MAPK8IP1: variants seen among roughly 807,000 people sequenced by gnomAD.
The protein encoded by MAPK8IP1 is C-Jun-amino-terminal kinase-interacting protein 1.
Under a neutral mutation model 72.6 loss-of-function variants are expected in MAPK8IP1, and 17 were observed. That is an observed-to-expected ratio of 0.23 (90% CI 0.16 to 0.35). MAPK8IP1 has a LOEUF of 0.35. Among genes scored for constraint, MAPK8IP1 ranks in the 10% least tolerant of loss-of-function variants. MAPK8IP1 has a pLI of 1.00. For missense variants in MAPK8IP1, 789 were observed against 1,009.7 expected (o/e 0.78, Z 2.96); for synonymous variants, 401 against 443.4 (o/e 0.90, Z 1.20).
At position 45,904,266 on chromosome 11, in the gene MAPK8IP1, C is replaced by A; in HGVS notation, c.1666+105C>A. On this transcript the variant is annotated intron_variant, in intron 7 of 11. Coordinates refer to ENST00000241014, the MANE Select transcript of MAPK8IP1 (RefSeq NM_005456.4). The surrounding 1 kb of genome is among the most constrained non-coding windows in gnomAD (Gnocchi z 6.4). ...AGATCTCAGCCAGCCAGGTGGGGGG[C>A]TGAGTGGAAGTGATTTTAGGTCCTT... 7.4e-7 allele frequency: 1 copy of A among 1,359,818 alleles called. No individual in the cohort carries two copies. The highest frequency in any genetic ancestry group is 1.0e-6 in the Non-Finnish European group (1 of 972,174). The allele number at this position is 1,359,818 out of a possible 1,614,324, so 84.2% of individuals were successfully genotyped here. A position where few individuals can be genotyped will look rare whatever the true frequency, so the allele number is the denominator to read the frequency against.
In MAPK8IP1 at chr11:45,904,229, A is replaced by G. The variant is rs1360601662; in HGVS notation, c.1666+68A>G. Reference sequence around the variant, plus strand: ...GTCTGCCCCAACTTGCTGCTAGGTGAACGTGTACTCCAGATCTCAGCCAGC... The same window carrying G: ...GTCTGCCCCAACTTGCTGCTAGGTGGACGTGTACTCCAGATCTCAGCCAGC... On this transcript the variant is annotated intron_variant, in intron 7 of 11. Transcript: ENST00000241014. This position sits in a 1 kb window ranked among gnomAD's most constrained non-coding sequence, Gnocchi z 6.4. 4.5e-5 allele frequency: 69 copies of G among 1,528,008 alleles called. No individual in the cohort carries two copies. The highest frequency in any genetic ancestry group is 5.9e-5 in the Non-Finnish European group (66 of 1,115,678). 94.7% of individuals were successfully genotyped at this position (1,528,008 alleles called of 1,614,324 possible). A position where few individuals can be genotyped will look rare whatever the true frequency, so the allele number is the denominator to read the frequency against.
Position 45,900,543 on chromosome 11 carries a change from G to A in MAPK8IP1, c.522+91G>A, listed in dbSNP as rs2086644375. 4 of 1,428,696 alleles carry A rather than the reference G, an allele frequency of 2.8e-6. No individual in the cohort carries two copies. The African/African-American group carries it at 4.4e-5, about 16-fold the overall frequency. The allele number at this position is 1,428,696 out of a possible 1,614,324, so 88.5% of individuals were successfully genotyped here. A position where few individuals can be genotyped will look rare whatever the true frequency, so the allele number is the denominator to read the frequency against. On this transcript the variant is annotated intron_variant, in intron 3 of 11. Transcript: ENST00000241014. The surrounding 1 kb of genome is among the most constrained non-coding windows in gnomAD (Gnocchi z 6.5). ...GGCTGCAGCGGGAAGGGGCACCCAC[G>A]GGTCCAGTGCCTGGGGACAGCGCCT...
chr11:45,900,469 G>C lies in MAPK8IP1; in HGVS notation c.522+17G>C. On this transcript the variant is annotated intron_variant, in intron 3 of 11. Coordinates refer to ENST00000241014, the MANE Select transcript of MAPK8IP1 (RefSeq NM_005456.4). The surrounding 1 kb of genome is among the most constrained non-coding windows in gnomAD (Gnocchi z 6.5). Reference sequence around the variant, plus strand: ...CGGTCTCAGGTGAGGCGCCAACGTGGGGGGCGGCGCCCTGGGCCGCCGCGG... The same window carrying C: ...CGGTCTCAGGTGAGGCGCCAACGTGCGGGGCGGCGCCCTGGGCCGCCGCGG... The C allele has an allele frequency of 6.5e-6, 10 of 1,530,838 alleles. No homozygotes were observed. The highest frequency in any genetic ancestry group is 8.7e-6 in the Non-Finnish European group (10 of 1,144,830). The allele number at this position is 1,530,838 out of a possible 1,614,324, so 94.8% of individuals were successfully genotyped here.
chr11:45,896,503 C>T, intron 1 of MAPK8IP1: 1 of 1,035,590 alleles, frequency 9.7e-7, no homozygotes, highest in Non-Finnish European at 1.2e-6. Flanking sequence ...GGGGGCCACT[C>T]AGCCCCCGAC....
intron 1 of MAPK8IP1, 136 bp from the exon 2 acceptor site, chr11:45,897,949 T>A: frequency 1.5e-6 from 1 of 668,350 alleles, no homozygotes; most frequent in Non-Finnish European, 2.8e-6. Context: ...CCTGCATTGA[T>A]ACAGATGAAC....
chr11:45,896,610 G>A (rs1259121560), intron 1 of MAPK8IP1: 1 of 1,347,316 alleles, frequency 7.4e-7, no homozygotes, highest in Non-Finnish European at 9.5e-7. Context: ...CAAGGGCCAG[G>A]CCAGCCGGGA....
At chr11:45,899,270 C>G (rs1346986839) in intron 2 of MAPK8IP1, among the ~76,000 whole-genome samples, 1 of 152,240 alleles carries the variant, frequency 6.6e-6, no homozygotes, top group African/African-American at 2.4e-5. Context: ...GCCCTCTCCC[C>G]CAGCTGCACC....
intron 1 of MAPK8IP1, among the ~76,000 whole-genome samples, chr11:45,896,032 C>G (rs1246948412): frequency 1.3e-5 from 2 of 152,212 alleles, no homozygotes; most frequent in East Asian, 3.9e-4. Context: ...AGCCCCCATT[C>G]CCCACCCCTC....
intron 11 of MAPK8IP1, 36 bp downstream of exon 11, chr11:45,905,285 G>T (rs907071324): frequency 1.3e-6 from 2 of 1,578,184 alleles, no homozygotes; most frequent in Non-Finnish European, 1.7e-6. Flanking sequence ...CAGCCCGAGG[G>T]AGCACGCCCA....
At chr11:45,889,554 C>T (rs570706430) in intron 1 of MAPK8IP1, among the ~76,000 whole-genome samples, 20 of 152,184 alleles carry the variant, frequency 1.3e-4, no homozygotes, top group Non-Finnish European at 2.6e-4. Flanking sequence ...GGACAGTTCA[C>T]GTGGGAGGAA....
chr11:45,886,692 T>C (rs1441276612), intron 1 of MAPK8IP1, among the ~76,000 whole-genome samples: 1 of 151,618 alleles, frequency 6.6e-6, no homozygotes, highest in Non-Finnish European at 1.5e-5. Context: ...AAGTGAGGGG[T>C]GAGTGTTGTG....
At position 45,885,921 on chromosome 11, in the gene MAPK8IP1, G is replaced by T; in HGVS notation, c.101G>T (p.Arg34Met). Reference sequence around the variant, plus strand: ...CACATCGCTTCGCCTCCCAATTTCAGGTGAGAGTCCCCGGCCGCCGCGCGC... The same window carrying T: ...CACATCGCTTCGCCTCCCAATTTCATGTGAGAGTCCCCGGCCGCCGCGCGC... Reference protein sequence around the residue: ...GLHIASPPNFRLTHDISLEEF... With the variant: ...GLHIASPPNFMLTHDISLEEF... Residue 34 changes from arginine (R) to methionine (M), a missense_variant and splice_region_variant, in exon 1 of 12, where the codon AGG (arginine) becomes ATG (methionine). This residue lies in a region of MAPK8IP1 where 112 missense variants were observed against 111.8 expected (regional missense o/e 1.00). Coordinates refer to ENST00000241014, the MANE Select transcript of MAPK8IP1 (RefSeq NM_005456.4). 1 of 1,476,744 alleles carries T rather than the reference G, an allele frequency of 6.8e-7. No individual in the cohort carries two copies. The highest frequency in any genetic ancestry group is 9.0e-7 in the Non-Finnish European group (1 of 1,110,100). The allele number at this position is 1,476,744 out of a possible 1,614,324, so 91.5% of individuals were successfully genotyped here.
intron 2 of MAPK8IP1, among the ~76,000 whole-genome samples, chr11:45,899,546 A>C (rs564878577): frequency 1.3e-5 from 2 of 152,298 alleles, no homozygotes; most frequent in African/African-American, 4.8e-5. Context: ...TCCTCAAGGC[A>C]GGCTCGTGGA....
At position 45,900,324 on chromosome 11, in the gene MAPK8IP1, G is replaced by A. The variant is rs774183825; in HGVS notation, c.394G>A (p.Gly132Ser). The change falls in exon 3 of 12, where the codon GGC (glycine) becomes AGC (serine). Residue 132 changes from glycine (G) to serine (S), a missense_variant. Physicochemically the swap from Gly to Ser is moderately conservative, Grantham distance 56. Around this residue, in one of 4 missense-constraint regions of MAPK8IP1, gnomAD observed 112 missense variants for 192.8 expected, o/e 0.58. Transcript: ENST00000241014. The surrounding 1 kb of genome is among the most constrained non-coding windows in gnomAD (Gnocchi z 6.5). Reference protein sequence around the residue: ...PGAGPPKAESGQEPASRGQGQ... With the variant: ...PGAGPPKAESSQEPASRGQGQ... ...AGCGGGGCCGCCCAAGGCCGAGTCC[G>A]GCCAGGAGCCGGCGTCCCGCGGCCA... 2.7e-5 allele frequency: 39 copies of A among 1,435,722 alleles called. No individual in the cohort carries two copies. In the South Asian group the frequency reaches 5.2e-4, roughly 19 times the overall value. The allele number at this position is 1,435,722 out of a possible 1,614,324, so 88.9% of individuals were successfully genotyped here.
chr11:45,890,103 G>A (rs1472203013), intron 1 of MAPK8IP1, among the ~76,000 whole-genome samples: 1 of 152,228 alleles, frequency 6.6e-6, no homozygotes, highest in Non-Finnish European at 1.5e-5. Context: ...TCACCCAAGG[G>A]TGTCACTGGA....
At position 45,904,005 on chromosome 11, in the gene MAPK8IP1, G is replaced by A. The variant is rs762354888; in HGVS notation, c.1510G>A (p.Glu504Lys). The A allele has an allele frequency of 2.5e-5, 41 of 1,613,366 alleles. 1 individual carries two copies. The highest frequency in any genetic ancestry group is 6.6e-5 in the South Asian group (6 of 91,050). Residue 504 changes from glutamate to lysine, a missense_variant, in exon 7 of 12, where the codon GAA (glutamate) becomes AAA (lysine). Physicochemically the swap from Glu to Lys is moderately conservative, Grantham distance 56 (BLOSUM62 1). Coordinates refer to ENST00000241014, the MANE Select transcript of MAPK8IP1 (RefSeq NM_005456.4). The surrounding 1 kb of genome is among the most constrained non-coding windows in gnomAD (Gnocchi z 6.4). Reference sequence around the variant, plus strand: ...TGGGGACAGGTTTGTGCCTCGACACGAAGACGAACTTGAGCTGGAAGTGGA... The same window carrying A: ...TGGGGACAGGTTTGTGCCTCGACACAAAGACGAACTTGAGCTGGAAGTGGA... ...RAIFRFVPRH[E>K]DELELEVDDP...
rs766326839 is a variant in MAPK8IP1, at chr11:45,902,858, G to A, written c.1091G>A (p.Arg364Gln). 3.6e-5 allele frequency: 57 copies of A among 1,591,380 alleles called. No homozygotes were observed. Among genetic ancestry groups the A allele is most frequent in the East Asian group, 4.6e-5 (2 of 43,706 alleles). The stretch of plus-strand genomic sequence containing the variant: ...CTGGGGGAGCCGCCGCCACCTCCAC[G>A]GGCCTCTCTGAGCTCGGACACCAGC... ...GSLGEPPPPP[R>Q]ASLSSDTSAL... is the part of the protein sequence containing the mutation. The change falls in exon 5 of 12, where the codon CGG becomes CAG. Residue 364 changes from arginine (R) to glutamine (Q), a missense_variant. Physicochemically the swap from Arg to Gln is conservative, Grantham distance 43 (BLOSUM62 1). This residue lies in a region of MAPK8IP1 where 377 missense variants were observed against 411.7 expected (regional missense o/e 0.92). Transcript: ENST00000241014. The surrounding 1 kb of genome is among the most constrained non-coding windows in gnomAD (Gnocchi z 9.3).
intron 11 of MAPK8IP1, 88 bp from the exon 12 acceptor site, chr11:45,905,561 A>G: frequency 8.2e-7 from 1 of 1,217,714 alleles, no homozygotes; most frequent in South Asian, 1.2e-5. Flanking sequence ...TTGGGCCCCA[A>G]GGCTCCAGCG....
In MAPK8IP1 at chr11:45,900,491, G is replaced by A; in HGVS notation, c.522+39G>A. The A allele has an allele frequency of 6.5e-7, 1 of 1,527,976 alleles. No individual in the cohort carries two copies. Among genetic ancestry groups the A allele is most frequent in the Non-Finnish European group, 8.7e-7 (1 of 1,143,122 alleles). 94.7% of individuals were successfully genotyped at this position (1,527,976 alleles called of 1,614,324 possible). ...GTGGGGGGCGGCGCCCTGGGCCGCC[G>A]CGGAGATGTGAGGGGGAGCGCAGAG... On this transcript the variant is annotated intron_variant, in intron 3 of 11. Coordinates refer to ENST00000241014, the MANE Select transcript of MAPK8IP1 (RefSeq NM_005456.4). The surrounding 1 kb of genome is among the most constrained non-coding windows in gnomAD (Gnocchi z 6.5).
Sources: gnomAD v4.1 joint callset for allele counts (sites outside exome capture counted in the v4.1 genomes callset) on GRCh38, gnomAD v4.1.1 for gene constraint, gnomAD v4.1.1 regional missense constraint, Gnocchi (gnomAD v3.1) non-coding constraint, MANE v1.5 for transcripts, NCBI Gene and HGNC (gene_info 2026-07-23, HGNC 2026-07-21) for gene names.